DHRS7: variants seen among roughly 807,000 people sequenced by gnomAD.
The protein encoded by DHRS7 is dehydrogenase/reductase SDR family member 7.
A neutral mutation model predicts 38.9 loss-of-function variants in DHRS7; 34 were observed. The observed-to-expected ratio is 0.87, with a 90% CI of 0.66 to 1.16. DHRS7 has a LOEUF of 1.16. DHRS7 is among the 50% of genes most tolerant of loss of function. DHRS7 has a pLI of 0.00. For missense variants in DHRS7, 421 were observed against 407.0 expected (o/e 1.03, Z -0.30); for synonymous variants, 158 against 153.1 (o/e 1.03, Z -0.24).
rs1227475301 is a variant in DHRS7 at position 60,162,507 on chromosome 14, G to A, written c.133+2670C>T. 6.6e-6 allele frequency among the ~76,000 whole-genome samples: 1 copy of A among 152,116 alleles called. No individual in the cohort carries two copies. The highest frequency in any genetic ancestry group is 1.5e-5 in the Non-Finnish European group (1 of 68,032). On this transcript the variant is annotated intron_variant, in intron 1 of 6. Transcript: ENST00000557185. This position sits in a 1 kb window ranked among gnomAD's most constrained non-coding sequence, Gnocchi z 4.5. ...GCACACTAGGTAGCTAGGGCACAAG[G>A]GTCAGAGAAAGCTCTTTACTTTTTA...
upstream of DHRS7, chr14:60,169,132 CCA>C (rs1896901349): frequency 3.2e-5 from 1 of 31,096 alleles, no homozygotes; most frequent in African/African-American, 1.6e-4. Context: ...ACAAAAGAAA[CCA>C]AAAAAAAAAA....
upstream of DHRS7, among the ~76,000 whole-genome samples, chr14:60,166,906 T>C (rs1054947524): frequency 6.6e-6 from 1 of 151,790 alleles, no homozygotes; most frequent in Non-Finnish European, 1.5e-5. Context: ...TTGATTGAAT[T>C]CTCCTTTCCT....
intron 1 of DHRS7, among the ~76,000 whole-genome samples, chr14:60,163,432 G>T (rs535392755): frequency 6.6e-6 from 1 of 152,244 alleles, no homozygotes; most frequent in East Asian, 1.9e-4. Flanking sequence ...GGGATTGCAG[G>T]TACATGCCAC....
At position 60,146,994 on chromosome 14, in the gene DHRS7, A is replaced by T. The variant is rs1896422262; in HGVS notation, c.973-1981T>A. The stretch of plus-strand genomic sequence containing the variant: ...ACACCTATGATCCCAACACTTTGGG[A>T]GGCCAAGGTAGGTGGATCGCCTGAG... On this transcript the variant is annotated intron_variant, in intron 6 of 6. Transcript: ENST00000557185. This position sits in a 1 kb window ranked among gnomAD's most constrained non-coding sequence, Gnocchi z 4.9. 6.6e-6 allele frequency: 1 copy of T among 152,392 alleles called. No homozygotes were observed. The highest frequency in any genetic ancestry group is 2.4e-5 in the African/African-American group (1 of 41,582). 9.4% of individuals were successfully genotyped at this position (152,392 alleles called of 1,614,324 possible).
At chr14:60,163,296 A>C (rs1218084300) in intron 1 of DHRS7, among the ~76,000 whole-genome samples, 1 of 152,222 alleles carries the variant, frequency 6.6e-6, no homozygotes, top group Non-Finnish European at 1.5e-5. Context: ...TTAACTTCTA[A>C]CTTTATAACT....
At chr14:60,167,873 GGGC>G (rs1896887476), upstream of DHRS7, among the ~76,000 whole-genome samples, 1 of 152,126 alleles carries the variant, frequency 6.6e-6, no homozygotes, top group Non-Finnish European at 1.5e-5. Context: ...CTAACGATCT[GGGC>G]ACTATGTAAA....
chr14:60,168,686 C>T, upstream of DHRS7: 1 of 1,554,460 alleles, frequency 6.4e-7, no homozygotes, highest in African/African-American at 1.4e-5. Context: ...TTTCTCCCCT[C>T]TCCAGCCAGG....
At chr14:60,157,460 A>T (rs985117788) in intron 1 of DHRS7, among the ~76,000 whole-genome samples, 4 of 152,212 alleles carry the variant, frequency 2.6e-5, no homozygotes, top group Non-Finnish European at 5.9e-5. Context: ...TTAATAACGT[A>T]TGTCTCCTAA....
At chr14:60,169,133 C>CAAAAAAAAAA (rs36035004), upstream of DHRS7, 93 of 27,390 alleles carry the variant, frequency 3.4e-3, 8 homozygotes, top group Middle Eastern at 0.029. Context: ...CAAAAGAAAC[C>CAAAAAAAAAA]AAAAAAAAAA....
At chr14:60,168,332 A>C (rs564821931), upstream of DHRS7, among the ~76,000 whole-genome samples, 1 of 152,122 alleles carries the variant, frequency 6.6e-6, no homozygotes, top group African/African-American at 2.4e-5. Flanking sequence ...ACTTCCCTTT[A>C]TATATCTTGT....
Position 60,149,350 on chromosome 14 carries a change from T to TACCAC in DHRS7, c.970_972+2dup. ...TATTAAGAAACTTAGAAATTGGTCTTACCACACCACTCTTAAAGTTCTCAA... is the reference window on the plus strand; with the variant it reads ...TATTAAGAAACTTAGAAATTGGTCTTACCACACCACACCACTCTTAAAGTTCTCAA... On this transcript the variant is annotated splice_region_variant and intron_variant, in intron 6 of 6. Coordinates refer to ENST00000557185, the MANE Select transcript of DHRS7 (RefSeq NM_016029.4). 3 of 1,613,334 alleles carry TACCAC rather than the reference T, an allele frequency of 1.9e-6. No individual in the cohort carries two copies. Among genetic ancestry groups the TACCAC allele is most frequent in the Non-Finnish European group, 2.5e-6 (3 of 1,179,276 alleles).
upstream of DHRS7, among the ~76,000 whole-genome samples, chr14:60,165,909 A>G (rs1896861378): frequency 1.3e-5 from 2 of 152,314 alleles, no homozygotes; most frequent in Middle Eastern, 3.4e-3. The surrounding 1 kb of genome is among the most constrained non-coding windows in gnomAD (Gnocchi z 4.6). Flanking sequence ...TTACAATTAG[A>G]GAAAAAAAGA....
Position 60,165,283 on chromosome 14 carries a change from C to T in DHRS7, c.27G>A (p.Leu9=), listed in dbSNP as rs755578419. The T allele has an allele frequency of 1.9e-6, 3 of 1,596,576 alleles. No homozygotes were observed. The highest frequency in any genetic ancestry group is 2.2e-5 in the South Asian group (2 of 89,186). ...GCAGGAGCAGCGCGCACAGCACCAG[C>T]AGCCACAGCAGCAGCTCCCAGTTCA... MNWELLLW[L]LVLCALLLLL... Residue 9 remains leucine, a synonymous_variant, in exon 1 of 7, where the codon CTG becomes CTA. Coordinates refer to ENST00000557185, the MANE Select transcript of DHRS7 (RefSeq NM_016029.4). The surrounding 1 kb of genome is among the most constrained non-coding windows in gnomAD (Gnocchi z 4.6).
At chr14:60,147,282 T>C (rs1322058089) in intron 6 of DHRS7, 3 of 152,170 alleles carry the variant, frequency 2.0e-5, no homozygotes, top group Non-Finnish European at 4.4e-5. Context: ...AAATAACTTA[T>C]GTTATTATAA....
rs1372743954 is a variant in DHRS7 at position 60,146,131 on chromosome 14, TTATAA to T, written c.973-1123_973-1119del. 7.4e-6 allele frequency: 1 copy of T among 134,944 alleles called. No individual in the cohort carries two copies. The highest frequency in any genetic ancestry group is 1.5e-5 in the Non-Finnish European group (1 of 66,032). The allele number at this position is 134,944 out of a possible 1,614,324, so 8.4% of individuals were successfully genotyped here. On this transcript the variant is annotated intron_variant, in intron 6 of 6. Coordinates refer to ENST00000557185, the MANE Select transcript of DHRS7 (RefSeq NM_016029.4). The surrounding 1 kb of genome is among the most constrained non-coding windows in gnomAD (Gnocchi z 4.9). ...TTTGAGAAATGACAGAATGCCCAGC[TTATAA>T]TAAAGAGTGACAAAGTAGTAAGACT...
chr14:60,155,899 C>A, intron 2 of DHRS7, 101 bp downstream of exon 2: 1 of 1,204,940 alleles, frequency 8.3e-7, no homozygotes, highest in Non-Finnish European at 1.1e-6. Context: ...ACATTTGGAG[C>A]CGGGGGGAAA....
At chr14:60,166,236 T>C, upstream of DHRS7, 1 of 985,458 alleles carries the variant, frequency 1.0e-6, no homozygotes, top group South Asian at 4.7e-5. Context: ...GCATCTTTCT[T>C]GTTTTCAAGC....
chr14:60,149,986 T>TAC (rs1031205773), intron 5 of DHRS7, 79 bp downstream of exon 5: 2 of 1,436,078 alleles, frequency 1.4e-6, no homozygotes, highest in African/African-American at 2.9e-5. Flanking sequence ...AACTATGATA[T>TAC]ACAGTGATAC....
At chr14:60,147,074 A>T (rs996154649) in intron 6 of DHRS7, 1 of 152,126 alleles carries the variant, frequency 6.6e-6, no homozygotes, top group East Asian at 1.9e-4. Context: ...CTCTACAAAA[A>T]CTACAAAACC....
Sources: gnomAD v4.1 joint callset for allele counts (sites outside exome capture counted in the v4.1 genomes callset) on GRCh38, gnomAD v4.1.1 for gene constraint, Gnocchi (gnomAD v3.1) non-coding constraint, MANE v1.5 for transcripts, NCBI Gene and HGNC (gene_info 2026-07-23, HGNC 2026-07-21) for gene names.